CEP290: variants seen among roughly 807,000 people sequenced by gnomAD.
CEP290 encodes centrosomal protein 290.
CEP290 carries 317 observed loss-of-function variants against 344.9 expected under a neutral mutation model. The observed-to-expected ratio is 0.92, with a 90% CI of 0.84 to 1.01. CEP290 has a LOEUF of 1.01. Among genes scored for constraint, CEP290 ranks in the 50% least tolerant of loss-of-function variants. The probability of loss-of-function intolerance (pLI) is 0.00; values close to 1 mark genes in which losing one functional copy is unlikely to be tolerated. For synonymous variants in CEP290, 932 were observed against 895.8 expected (o/e 1.04, Z -0.72); for missense variants, 2,754 against 2,761.4 (o/e 1.00, Z 0.06).
At chr12:88,126,081 T>G (rs2039709473) in intron 12 of CEP290, among the ~76,000 whole-genome samples, 2 of 152,050 alleles carry the variant, frequency 1.3e-5, no homozygotes, top group African/African-American at 2.4e-5. Context: ...ACTATCCACA[T>G]AAACATAGAA....
chr12:88,077,156 C>T, intron 41 of CEP290, 66 bp downstream of exon 41: 1 of 1,446,420 alleles, frequency 6.9e-7, no homozygotes, highest in Non-Finnish European at 9.4e-7. Flanking sequence ...AACTGTTAAT[C>T]AGCTATGTAT....
rs1338354123 is a variant in CEP290 at position 88,093,791 on chromosome 12, T to A, written c.3288A>T (p.Glu1096Asp). The change falls in exon 28 of 54, where the codon GAA becomes GAT. Residue 1096 changes from glutamate to aspartate, a missense_variant. Physicochemically the swap from Glu to Asp is conservative, Grantham distance 45. Transcript: ENST00000552810. ...AAACCTCAGCAAATTTGGTTTCCAA[T>A]TCAAAATTACGTTCCTCCATTTGCT... is the stretch of plus-strand genomic sequence containing the variant. ...SLKQMEERNF[E>D]LETKFAELTK... is the part of the protein sequence containing the mutation. The A allele has an allele frequency of 6.2e-7, 1 of 1,609,570 alleles. No homozygotes were observed. The highest frequency in any genetic ancestry group is 8.5e-7 in the Non-Finnish European group (1 of 1,177,448).
intron 26 of CEP290, 140 bp from the exon 27 acceptor site, chr12:88,097,139 A>G: frequency 1.7e-6 from 1 of 590,182 alleles, no homozygotes; most frequent in Non-Finnish European, 2.9e-6. Context: ...TCCTCCATAT[A>G]TAATACATGT....
intron 12 of CEP290, 41 bp downstream of exon 12, chr12:88,126,275 A>G (rs1382552255): frequency 7.1e-7 from 1 of 1,413,404 alleles, no homozygotes; most frequent in East Asian, 3.0e-5. Context: ...TTCCAACTGT[A>G]ATAAAACTGG....
chr12:88,083,507 A>G (rs1431283916), intron 36 of CEP290, among the ~76,000 whole-genome samples: 1 of 152,202 alleles, frequency 6.6e-6, no homozygotes. Context: ...ACATTAAAAG[A>G]TGAAAGACAT....
chr12:88,103,284 A>G, intron 25 of CEP290: 1 of 200,524 alleles, frequency 5.0e-6, no homozygotes, highest in Admixed American at 6.0e-5. Context: ...AAAACATAAC[A>G]AACAGCAGGA....
chr12:88,102,985 A>G lies in CEP290; in HGVS notation c.2844T>C (p.Ala948=). 6.4e-7 allele frequency: 1 copy of G among 1,563,512 alleles called. No individual in the cohort carries two copies. Among genetic ancestry groups the G allele is most frequent in the Non-Finnish European group, 8.6e-7 (1 of 1,161,686 alleles). ...CACTATTATCTACAACTTTTTGGAG[A>G]GCTGCAATCTTGAAAATGGCCATTT... ...FKEMAIFKIA[A]LQKVVDNSVS... Residue 948 remains alanine (A), a synonymous_variant, in exon 26 of 54, where the codon GCT becomes GCC. Coordinates refer to ENST00000552810, the MANE Select transcript of CEP290 (RefSeq NM_025114.4).
intron 42 of CEP290, 45 bp from the exon 43 acceptor site, chr12:88,071,494 T>C: frequency 6.6e-7 from 1 of 1,519,396 alleles, no homozygotes; most frequent in South Asian, 1.2e-5. Flanking sequence ...ATTCAGTGTT[T>C]GGCTTTTCAA....
intron 23 of CEP290, among the ~76,000 whole-genome samples, chr12:88,108,153 C>CTGT (rs1174595111): frequency 2.6e-5 from 4 of 152,230 alleles, no homozygotes; most frequent in South Asian, 2.1e-4. Context: ...GTGTAAGACA[C>CTGT]TGTTGTCTAC....
chr12:88,104,554 T>C (rs1216562148), intron 25 of CEP290, among the ~76,000 whole-genome samples: 3 of 151,940 alleles, frequency 2.0e-5, no homozygotes, highest in Non-Finnish European at 4.4e-5. Context: ...AAATATTGTA[T>C]ATATTAAAAT....
At chr12:88,109,701 C>T (rs1373799923) in intron 22 of CEP290, among the ~76,000 whole-genome samples, 1 of 152,106 alleles carries the variant, frequency 6.6e-6, no homozygotes, top group African/African-American at 2.4e-5. Context: ...AAAGGTCTTG[C>T]CACGTTTATA....
rs1592804507 is a variant in CEP290, at chr12:88,077,125, A to G, written c.5709+97T>C. Reference sequence around the variant, plus strand: ...AATACAGAATTAATACAGCCAGGTCATCAAATTAAGGCAGTATATTAACTG... The same window carrying G: ...AATACAGAATTAATACAGCCAGGTCGTCAAATTAAGGCAGTATATTAACTG... On this transcript the variant is annotated intron_variant, in intron 41 of 53. Coordinates refer to ENST00000552810, the MANE Select transcript of CEP290 (RefSeq NM_025114.4). 2.6e-6 allele frequency: 3 copies of G among 1,149,488 alleles called. No homozygotes were observed. The East Asian group carries it at 7.9e-5, about 30-fold the overall frequency. 71.2% of individuals were successfully genotyped at this position (1,149,488 alleles called of 1,614,324 possible). A position where few individuals can be genotyped will look rare whatever the true frequency, so the allele number is the denominator to read the frequency against.
At position 88,086,418 on chromosome 12, in the gene CEP290, TTGC is replaced by T; in HGVS notation, c.4272_4274del (p.Gln1425del). The T allele has an allele frequency of 6.3e-7, 1 of 1,595,626 alleles. No individual in the cohort carries two copies. Among genetic ancestry groups the T allele is most frequent in the South Asian group, 1.1e-5 (1 of 88,306 alleles). On this transcript the variant is annotated inframe_deletion, in exon 33 of 54. Coordinates refer to ENST00000552810, the MANE Select transcript of CEP290 (RefSeq NM_025114.4). ...TTTGTGCCGCATTTAGTATTTCATT[TTGC>T]TGACGGTCAAAAATGTCTAGTTGGC...
chr12:88,057,992 G>C (rs931872539), intron 49 of CEP290: 7 of 152,242 alleles, frequency 4.6e-5, no homozygotes, highest in Admixed American at 3.9e-4. Flanking sequence ...TTTTGAAATG[G>C]GGGCGGCAGA....
At chr12:88,111,403 G>A in intron 21 of CEP290, 52 bp from the exon 22 acceptor site, 3 of 1,479,810 alleles carry the variant, frequency 2.0e-6, no homozygotes, top group Non-Finnish European at 2.7e-6. Flanking sequence ...CCCAAAGAAA[G>A]ACAAATTGAC....
intron 53 of CEP290, 77 bp downstream of exon 53, chr12:88,050,277 G>A (rs1565777259): frequency 1.0e-5 from 7 of 700,850 alleles, no homozygotes; most frequent in African/African-American, 1.8e-5. Flanking sequence ...TTTAGGATAC[G>A]TAGTTAAAGA....
intron 6 of CEP290, 197 bp downstream of exon 6, chr12:88,136,446 A>T: frequency 1.8e-6 from 1 of 552,052 alleles, no homozygotes; most frequent in Non-Finnish European, 3.1e-6. Context: ...ATTAATCTTC[A>T]AGTCATATTC....
chr12:88,091,570 G>A (rs138406917), intron 29 of CEP290, among the ~76,000 whole-genome samples: 1 of 152,058 alleles, frequency 6.6e-6, no homozygotes, highest in African/African-American at 2.4e-5. Context: ...ATACTGATGA[G>A]AGGCTCTCAT....
At chr12:88,114,792 T>C (rs532617750) in intron 19 of CEP290, among the ~76,000 whole-genome samples, 7 of 152,284 alleles carry the variant, frequency 4.6e-5, no homozygotes, top group Admixed American at 4.6e-4. Flanking sequence ...TACTTCTGCC[T>C]TAACTTAAAC....
Sources: allele counts gnomAD v4.1 joint callset (sites outside exome capture counted in the v4.1 genomes callset), GRCh38; gene constraint gnomAD v4.1.1; transcripts MANE v1.5; gene names NCBI Gene and HGNC (gene_info 2026-07-23, HGNC 2026-07-21).